Variants in KCNC2 observed in about 807,000 individuals in gnomAD.
The protein encoded by KCNC2 is potassium voltage-gated channel subfamily C member 2, also known as voltage-gated potassium channel KCNC2.
Under a neutral mutation model 44.5 loss-of-function variants are expected in KCNC2, and 21 were observed. The observed-to-expected ratio is 0.47, with a 90% CI of 0.33 to 0.68. The LOEUF is 0.68. Ranked by LOEUF, KCNC2 falls within the 30% of genes least tolerant of loss-of-function variation. KCNC2 has a pLI of 0.01. For synonymous variants in KCNC2, 391 were observed against 339.1 expected (o/e 1.15, Z -1.68); for missense variants, 589 against 826.2 (o/e 0.71, Z 3.52).
At chr12:75,166,333 G>A (rs541596643) in intron 2 of KCNC2, among the ~76,000 whole-genome samples, 32 of 150,640 alleles carry the variant, frequency 2.1e-4, no homozygotes, top group African/African-American at 7.8e-4. Context: ...AGAATTAAAG[G>A]AAGAAATAGA....
intron 2 of KCNC2, among the ~76,000 whole-genome samples, chr12:75,086,473 T>C (rs1885006166): frequency 6.6e-6 from 1 of 151,944 alleles, no homozygotes; most frequent in South Asian, 2.1e-4. Context: ...ACCTTCTTCG[T>C]GTGTCTCCTC....
intron 2 of KCNC2, among the ~76,000 whole-genome samples, chr12:75,071,520 C>A (rs1035364424): frequency 6.6e-6 from 1 of 152,056 alleles, no homozygotes; most frequent in African/African-American, 2.4e-5. Context: ...AAGTTTTCAA[C>A]GAATTTGAGA....
At chr12:75,151,375 T>A (rs760086592) in intron 2 of KCNC2, among the ~76,000 whole-genome samples, 1 of 152,010 alleles carries the variant, frequency 6.6e-6, no homozygotes, top group Admixed American at 6.6e-5. Flanking sequence ...GTTCGGAGAA[T>A]TTAATCTAAA....
At chr12:75,091,534 CAAT>C (rs141162493) in intron 2 of KCNC2, among the ~76,000 whole-genome samples, 53 of 151,738 alleles carry the variant, frequency 3.5e-4, no homozygotes, top group African/African-American at 1.3e-3. Context: ...TTGGAAAAAA[CAAT>C]AGTACTTTTA....
At chr12:75,201,262 G>GAAAAAAAAAAAAAA (rs1313998973) in intron 2 of KCNC2, among the ~76,000 whole-genome samples, 5 of 18,464 alleles carry the variant, frequency 2.7e-4, no homozygotes, top group African/African-American at 1.0e-3. Flanking sequence ...AACGAAATTG[G>GAAAAAAAAAAAAAA]AAAAAAAAAA....
chr12:75,140,114 C>T (rs1273538649), intron 2 of KCNC2: 1 of 152,194 alleles, frequency 6.6e-6, no homozygotes, highest in East Asian at 1.9e-4. Context: ...TGAGAGGGAT[C>T]TACTGGGCTT....
At chr12:75,156,779 T>A (rs2137499986) in intron 2 of KCNC2, among the ~76,000 whole-genome samples, 1 of 152,024 alleles carries the variant, frequency 6.6e-6, no homozygotes, top group African/African-American at 2.4e-5. Context: ...CTACCATTTC[T>A]ATAATATGTT....
chr12:75,151,954 T>C (rs1164551032), intron 2 of KCNC2, among the ~76,000 whole-genome samples: 2 of 146,154 alleles, frequency 1.4e-5, no homozygotes, highest in South Asian at 4.2e-4. Flanking sequence ...TTATATATAA[T>C]ATATTATATA....
Position 75,041,288 on chromosome 12 carries a change from G to A in KCNC2, c.*1817C>T. The A allele has an allele frequency of 6.5e-7, 1 of 1,539,650 alleles. No individual in the cohort carries two copies. Among genetic ancestry groups the A allele is most frequent in the Non-Finnish European group, 8.7e-7 (1 of 1,146,946 alleles). On this transcript the variant is annotated 3_prime_UTR_variant, in exon 5 of 5. Transcript: ENST00000549446. ...TGTGTAATTATAATGTTCTATGTGT[G>A]GTGTTATCAAAAGAATCACTGTGTC... is the stretch of plus-strand genomic sequence containing the variant.
At chr12:75,105,915 CT>C (rs200100425) in intron 2 of KCNC2, among the ~76,000 whole-genome samples, 225 of 144,592 alleles carry the variant, frequency 1.6e-3, no homozygotes, top group African/African-American at 3.1e-3. Context: ...AAATTTCTTT[CT>C]TTTTTTTTTT....
In KCNC2 at chr12:75,043,174, T is replaced by C. The variant is rs201191816; in HGVS notation, c.1848A>G (p.Pro616=). ...GLAGNALRLS[P]VTSPYNSPCP... is the part of the protein sequence containing the mutation. Reference sequence around the variant, plus strand: ...AAGGAGAGTTGTAGGGTGATGTTACTGGAGAGAGCCTCAGAGCATTGCCTG... The same window carrying C: ...AAGGAGAGTTGTAGGGTGATGTTACCGGAGAGAGCCTCAGAGCATTGCCTG... Residue 616 remains proline (P), a synonymous_variant, in exon 5 of 5, where the codon CCA becomes CCG. Transcript: ENST00000549446. 2.4e-5 allele frequency: 39 copies of C among 1,612,420 alleles called. No individual in the cohort carries two copies. Among genetic ancestry groups the C allele is most frequent in the Non-Finnish European group, 3.3e-5 (39 of 1,179,038 alleles).
At chr12:75,074,182 A>G (rs1883687230) in intron 2 of KCNC2, among the ~76,000 whole-genome samples, 1 of 152,090 alleles carries the variant, frequency 6.6e-6, no homozygotes, top group Admixed American at 6.6e-5. Flanking sequence ...CAGAGGAAAA[A>G]TAAGTAGGAG....
At chr12:75,077,220 T>A (rs1243854446) in intron 2 of KCNC2, among the ~76,000 whole-genome samples, 24 of 152,322 alleles carry the variant, frequency 1.6e-4, no homozygotes, top group Non-Finnish European at 5.9e-5. Flanking sequence ...TTGCCAGTGC[T>A]AGAGTTGTAT....
chr12:75,074,597 C>T (rs564353585), intron 2 of KCNC2, among the ~76,000 whole-genome samples: 1 of 152,172 alleles, frequency 6.6e-6, no homozygotes, highest in African/African-American at 2.4e-5. Context: ...CTTCTTGGCC[C>T]CCGCATGTAA....
At chr12:75,151,824 C>T (rs923344995) in intron 2 of KCNC2, among the ~76,000 whole-genome samples, 1 of 149,686 alleles carries the variant, frequency 6.7e-6, no homozygotes, top group South Asian at 2.1e-4. Flanking sequence ...CAACTAAAAA[C>T]ATCAGTTTAA....
intron 2 of KCNC2, chr12:75,140,157 G>A (rs889048556): frequency 2.5e-4 from 38 of 152,260 alleles, no homozygotes; most frequent in African/African-American, 8.9e-4. Flanking sequence ...TACATGTCTG[G>A]ACTTTTTTTT....
intron 2 of KCNC2, among the ~76,000 whole-genome samples, chr12:75,096,066 A>T (rs1760431229): frequency 6.6e-6 from 1 of 152,104 alleles, no homozygotes; most frequent in South Asian, 2.1e-4. Flanking sequence ...TTTCCCTGTC[A>T]CAGGTCATTT....
chr12:75,181,275 A>G (rs1412721883), intron 2 of KCNC2, among the ~76,000 whole-genome samples: 1 of 152,232 alleles, frequency 6.6e-6, no homozygotes, highest in East Asian at 1.9e-4. Context: ...CTCTTGTCAC[A>G]AAATAAACTG....
At chr12:75,127,108 G>A (rs943668122) in intron 2 of KCNC2, among the ~76,000 whole-genome samples, 2 of 152,136 alleles carry the variant, frequency 1.3e-5, no homozygotes, top group Non-Finnish European at 2.9e-5. Flanking sequence ...GTCTCAAAGA[G>A]TTATGAATGG....
Sources: allele counts gnomAD v4.1 joint callset (sites outside exome capture counted in the v4.1 genomes callset), GRCh38; gene constraint gnomAD v4.1.1; transcripts MANE v1.5; gene names NCBI Gene and HGNC (gene_info 2026-07-23, HGNC 2026-07-21).